Variants in MMP16 observed in about 807,000 individuals in gnomAD.
MMP16 encodes matrix metallopeptidase 16.
Under a neutral mutation model 67.8 loss-of-function variants are expected in MMP16, and 12 were observed. The observed-to-expected ratio is 0.18, with a 90% CI of 0.11 to 0.29. The LOEUF is 0.29. MMP16 is among the 10% of genes least tolerant of loss of function. The pLI is 1.00. For synonymous variants in MMP16, 249 were observed against 255.9 expected (o/e 0.97, Z 0.26); for missense variants, 475 against 765.7 (o/e 0.62, Z 4.48).
At chr8:88,128,770 T>G (rs1175208293) in intron 4 of MMP16, among the ~76,000 whole-genome samples, 1 of 151,810 alleles carries the variant, frequency 6.6e-6, no homozygotes, top group Non-Finnish European at 1.5e-5. Context: ...ATCATGACTA[T>G]GGATCCCCAA....
chr8:88,263,104 C>T (rs1188390001), intron 1 of MMP16, among the ~76,000 whole-genome samples: 1 of 151,810 alleles, frequency 6.6e-6, no homozygotes, highest in Non-Finnish European at 1.5e-5. Flanking sequence ...ACTATCATTG[C>T]CACCACATTT....
intron 3 of MMP16, among the ~76,000 whole-genome samples, chr8:88,172,801 T>G (rs1365633956): frequency 6.6e-6 from 1 of 152,170 alleles, no homozygotes; most frequent in African/African-American, 2.4e-5. Context: ...TGGTAAATTT[T>G]GGAATTTTAA....
rs1223741159 is a variant in MMP16 at position 88,264,322 on chromosome 8, C to T, written c.132+62753G>A. Among the ~76,000 whole-genome samples, 5 of 152,206 alleles carry T rather than the reference C, an allele frequency of 3.3e-5. No individual in the cohort carries two copies. The East Asian group carries it at 9.7e-4, about 29-fold the overall frequency. Reference sequence around the variant, plus strand: ...TCAAGTGATCCTTCTGCCTCAGCCTCCCAAGTACCTGGGACTGCAGGCATG... The same window carrying T: ...TCAAGTGATCCTTCTGCCTCAGCCTTCCAAGTACCTGGGACTGCAGGCATG... On this transcript the variant is annotated intron_variant, in intron 1 of 9. Transcript: ENST00000286614.
intron 6 of MMP16, among the ~76,000 whole-genome samples, chr8:88,084,467 G>GA (rs1256085933): frequency 0.012 from 1,722 of 143,570 alleles, 34 homozygotes; most frequent in African/African-American, 0.04. Context: ...GAAAAAGGAG[G>GA]AAAAAAAAAG....
chr8:88,245,105 A>G (rs912416451), intron 1 of MMP16, among the ~76,000 whole-genome samples: 3 of 152,192 alleles, frequency 2.0e-5, no homozygotes, highest in African/African-American at 7.2e-5. Context: ...GTTTTCTGTG[A>G]CCTTTCTTCT....
At chr8:88,201,026 T>C (rs1033959893) in intron 1 of MMP16, among the ~76,000 whole-genome samples, 3 of 151,782 alleles carry the variant, frequency 2.0e-5, no homozygotes, top group Non-Finnish European at 4.4e-5. Context: ...ATTCATTTGC[T>C]TAGATGAAAC....
chr8:88,097,391 T>C (rs1307279434), intron 6 of MMP16, among the ~76,000 whole-genome samples: 2 of 151,686 alleles, frequency 1.3e-5, no homozygotes, highest in South Asian at 2.1e-4. Context: ...TTTGGGAGGC[T>C]GAGGTGATCA....
chr8:88,200,298 T>C (rs1424162072), intron 1 of MMP16, among the ~76,000 whole-genome samples: 1 of 152,000 alleles, frequency 6.6e-6, no homozygotes, highest in Non-Finnish European at 1.5e-5. Flanking sequence ...TTGTGCTCAC[T>C]AGATTGAGAA....
At chr8:88,186,315 C>A in intron 3 of MMP16, 161 bp downstream of exon 3, 1 of 863,106 alleles carries the variant, frequency 1.2e-6, no homozygotes, top group Non-Finnish European at 1.7e-6. Flanking sequence ...GTCTAATGAA[C>A]AATTTACTCT....
chr8:88,231,003 A>G (rs547935464), intron 1 of MMP16, among the ~76,000 whole-genome samples: 1 of 152,296 alleles, frequency 6.6e-6, no homozygotes, highest in South Asian at 2.1e-4. Flanking sequence ...TCTTATTGGT[A>G]AAATAGACAT....
intron 3 of MMP16, among the ~76,000 whole-genome samples, chr8:88,182,037 A>G (rs1808989148): frequency 6.6e-6 from 1 of 152,148 alleles, no homozygotes. Flanking sequence ...TGCAAAACAT[A>G]AAACTACTAA....
intron 1 of MMP16, among the ~76,000 whole-genome samples, chr8:88,229,911 C>T (rs1304140020): frequency 6.6e-6 from 1 of 151,974 alleles, no homozygotes. Context: ...TTAAGAGATC[C>T]AACATATTTT....
chr8:88,086,522 T>C (rs1014646006), intron 6 of MMP16, among the ~76,000 whole-genome samples: 2 of 151,934 alleles, frequency 1.3e-5, no homozygotes, highest in South Asian at 4.1e-4. Context: ...TTCAAAATGC[T>C]GTGTAAAATG....
chr8:88,224,139 C>T (rs1309396413), intron 1 of MMP16, among the ~76,000 whole-genome samples: 6 of 151,966 alleles, frequency 3.9e-5, no homozygotes, highest in African/African-American at 1.4e-4. Flanking sequence ...AAAACAGTTT[C>T]AAAATTTAAA....
intron 1 of MMP16, among the ~76,000 whole-genome samples, chr8:88,280,954 T>C (rs1259705235): frequency 6.6e-6 from 1 of 152,136 alleles, no homozygotes; most frequent in Non-Finnish European, 1.5e-5. Flanking sequence ...AATATTTTAA[T>C]ATATCAGTAC....
chr8:88,193,689 T>A (rs750191427), intron 2 of MMP16, among the ~76,000 whole-genome samples: 1 of 151,950 alleles, frequency 6.6e-6, no homozygotes, highest in Non-Finnish European at 1.5e-5. Flanking sequence ...TATCAAAACA[T>A]AACAAGTACC....
rs527836758 is a variant in MMP16, at chr8:88,045,983, T to G, written c.1489+686A>C. 3.9e-5 allele frequency among the ~76,000 whole-genome samples: 6 copies of G among 152,330 alleles called. No homozygotes were observed. The South Asian group carries it at 1.0e-3, about 26-fold the overall frequency. On this transcript the variant is annotated intron_variant, in intron 9 of 9. Transcript: ENST00000286614. ...ATTGCATATAAATTCAATTTCAAAT[T>G]ATTATTATGATTTATTCCTATTTAC... is the stretch of plus-strand genomic sequence containing the variant.
At chr8:88,260,686 T>G (rs1338693024) in intron 1 of MMP16, among the ~76,000 whole-genome samples, 2 of 152,100 alleles carry the variant, frequency 1.3e-5, no homozygotes, top group African/African-American at 4.8e-5. Context: ...AACTCAACAT[T>G]TCAACTGATA....
chr8:88,309,775 C>A lies in MMP16; in HGVS notation c.132+17300G>T, dbSNP rs182080931. Among the ~76,000 whole-genome samples the A allele has an allele frequency of 1.4e-3, 207 of 152,154 alleles. 3 individuals carry two copies. Among genetic ancestry groups the A allele is most frequent in the Non-Finnish European group, 5.2e-4 (35 of 67,928 alleles). Reference sequence around the variant, plus strand: ...TTCTCTGTTTTTATCCTGCCTATCACCAATATAGCAAAAGCAAATCCATCA... The same window carrying A: ...TTCTCTGTTTTTATCCTGCCTATCAACAATATAGCAAAAGCAAATCCATCA... On this transcript the variant is annotated intron_variant, in intron 1 of 9. Coordinates refer to ENST00000286614, the MANE Select transcript of MMP16 (RefSeq NM_005941.5).
Sources: allele counts gnomAD v4.1 joint callset (sites outside exome capture counted in the v4.1 genomes callset), GRCh38; gene constraint gnomAD v4.1.1; transcripts MANE v1.5; gene names NCBI Gene and HGNC (gene_info 2026-07-23, HGNC 2026-07-21).